PTPRN2: variants seen among roughly 807,000 people sequenced by gnomAD.
PTPRN2 encodes the protein protein tyrosine phosphatase receptor type N2.
Under a neutral mutation model 118.8 loss-of-function variants are expected in PTPRN2, and 74 were observed. The observed-to-expected ratio is 0.62, with a 90% CI of 0.52 to 0.76. PTPRN2 has a LOEUF of 0.76. PTPRN2 is among the 30% of genes least tolerant of loss of function. The pLI, the probability that PTPRN2 is intolerant of heterozygous loss-of-function variation, is 0.00. For missense variants in PTPRN2, 1,481 were observed against 1,394.4 expected (o/e 1.06, Z -0.99); for synonymous variants, 641 against 608.0 (o/e 1.05, Z -0.80).
chr7:158,276,660 A>G (rs1341961119), intron 3 of PTPRN2, among the ~76,000 whole-genome samples: 1 of 152,162 alleles, frequency 6.6e-6, no homozygotes, highest in Non-Finnish European at 1.5e-5. Context: ...GGATGAAACC[A>G]TGCTTCCAGC....
intron 11 of PTPRN2, among the ~76,000 whole-genome samples, chr7:158,037,027 C>T (rs1220283773): frequency 6.6e-6 from 1 of 152,152 alleles, no homozygotes; most frequent in East Asian, 1.9e-4. Context: ...ATATAAGATT[C>T]CTTCAAAGAT....
chr7:158,243,571 C>G (rs540007467), intron 3 of PTPRN2, among the ~76,000 whole-genome samples: 1 of 152,326 alleles, frequency 6.6e-6, no homozygotes, highest in African/African-American at 2.4e-5. Flanking sequence ...CAGATACCAC[C>G]TTCAGAGTTG....
intron 14 of PTPRN2, among the ~76,000 whole-genome samples, chr7:157,645,482 G>A (rs1159571089): frequency 3.3e-5 from 5 of 152,168 alleles, no homozygotes; most frequent in South Asian, 2.1e-4. Flanking sequence ...ATAAGCATCC[G>A]CGATGACTCA....
intron 2 of PTPRN2, among the ~76,000 whole-genome samples, chr7:158,377,872 C>G (rs951297295): frequency 6.6e-6 from 1 of 152,230 alleles, no homozygotes; most frequent in African/African-American, 2.4e-5. Context: ...ACAGTCCACA[C>G]AGCACAGGGC....
chr7:157,712,938 C>T (rs1798721929), intron 12 of PTPRN2, among the ~76,000 whole-genome samples: 1 of 152,022 alleles, frequency 6.6e-6, no homozygotes, highest in Non-Finnish European at 1.5e-5. Context: ...AGACTTCTGG[C>T]TCCCAGCACT....
chr7:158,528,233 A>G (rs79850828), intron 1 of PTPRN2, among the ~76,000 whole-genome samples: 2 of 152,116 alleles, frequency 1.3e-5, no homozygotes, highest in Non-Finnish European at 2.9e-5. Flanking sequence ...GCACTCATAC[A>G]GTGTGGTGGG....
intron 1 of PTPRN2, among the ~76,000 whole-genome samples, chr7:158,528,228 C>G (rs930155484): frequency 6.6e-6 from 1 of 152,188 alleles, no homozygotes; most frequent in Non-Finnish European, 1.5e-5. Context: ...AAGGTGCACT[C>G]ATACAGTGTG....
At chr7:158,343,416 T>C (rs1444010139) in intron 2 of PTPRN2, among the ~76,000 whole-genome samples, 2 of 152,062 alleles carry the variant, frequency 1.3e-5, no homozygotes, top group African/African-American at 2.4e-5. Flanking sequence ...AAATAACGCG[T>C]GTGGGTGAGA....
chr7:157,773,768 G>A (rs1251581121), intron 12 of PTPRN2, among the ~76,000 whole-genome samples: 1 of 152,240 alleles, frequency 6.6e-6, no homozygotes, highest in Non-Finnish European at 1.5e-5. Context: ...GGTCCTGGTT[G>A]GTGGGGCTTG....
intron 10 of PTPRN2, among the ~76,000 whole-genome samples, chr7:158,107,184 GA>G (rs1395029795): frequency 6.6e-6 from 1 of 151,938 alleles, no homozygotes; most frequent in Non-Finnish European, 1.5e-5. Flanking sequence ...CAGAAACTGG[GA>G]TCTTGCTGTC....
intron 14 of PTPRN2, among the ~76,000 whole-genome samples, chr7:157,635,840 T>A (rs1268828626): frequency 6.6e-6 from 1 of 151,698 alleles, no homozygotes; most frequent in African/African-American, 2.4e-5. Flanking sequence ...TAGCTTACAG[T>A]CTCTCACCCC....
chr7:157,634,875 T>A (rs1420933339), intron 14 of PTPRN2, among the ~76,000 whole-genome samples: 3 of 152,238 alleles, frequency 2.0e-5, no homozygotes, highest in African/African-American at 7.2e-5. Flanking sequence ...GCAGTGGACG[T>A]GGTCACCTGC....
Position 157,823,918 on chromosome 7 carries a change from T to C in PTPRN2, c.1788+74755A>G, listed in dbSNP as rs376715087. On this transcript the variant is annotated intron_variant, in intron 12 of 22. Transcript: ENST00000389418. ...AGTGGGGAGGAGGTTGAATCAGTCCTTCGTTCCACAGCTGGGTATGAGACA... is the reference window on the plus strand; with the variant it reads ...AGTGGGGAGGAGGTTGAATCAGTCCCTCGTTCCACAGCTGGGTATGAGACA... 2.3e-3 allele frequency among the ~76,000 whole-genome samples: 350 copies of C among 152,292 alleles called. 4 individuals carry two copies. The South Asian group carries it at 0.027, about 12-fold the overall frequency.
chr7:158,408,889 G>A (rs978995001), intron 2 of PTPRN2, among the ~76,000 whole-genome samples: 1 of 151,474 alleles, frequency 6.6e-6, no homozygotes, highest in African/African-American at 2.4e-5. Flanking sequence ...TATTAACATT[G>A]ACACCAAACA....
At chr7:158,459,035 G>A (rs189328697) in intron 2 of PTPRN2, among the ~76,000 whole-genome samples, 40 of 152,292 alleles carry the variant, frequency 2.6e-4, no homozygotes, top group East Asian at 9.7e-4. Flanking sequence ...ACAGGGTGCC[G>A]CGGCCATCAC....
chr7:157,821,317 T>C (rs1806825354), intron 12 of PTPRN2, among the ~76,000 whole-genome samples: 1 of 152,226 alleles, frequency 6.6e-6, no homozygotes, highest in African/African-American at 2.4e-5. Flanking sequence ...CTCTAGGATC[T>C]GGTCAGAGCT....
chr7:158,321,969 C>T (rs190571402), intron 2 of PTPRN2, among the ~76,000 whole-genome samples: 4 of 152,342 alleles, frequency 2.6e-5, no homozygotes, highest in East Asian at 3.9e-4. Context: ...TGCCTCTGCG[C>T]GGAAGCCTAA....
chr7:157,816,341 C>T (rs1806399332), intron 12 of PTPRN2, among the ~76,000 whole-genome samples: 1 of 152,188 alleles, frequency 6.6e-6, no homozygotes, highest in Non-Finnish European at 1.5e-5. Flanking sequence ...TGATGGGTTC[C>T]ACCCTAAACT....
chr7:158,147,893 T>A (rs199958678), intron 6 of PTPRN2, among the ~76,000 whole-genome samples: 26 of 121,240 alleles, frequency 2.1e-4, no homozygotes, highest in East Asian at 7.0e-4. Flanking sequence ...GCCACGTGTC[T>A]TTCCCCCTCA....
Sources: gnomAD v4.1 joint callset for allele counts (sites outside exome capture counted in the v4.1 genomes callset) on GRCh38, gnomAD v4.1.1 for gene constraint, MANE v1.5 for transcripts, NCBI Gene and HGNC (gene_info 2026-07-23, HGNC 2026-07-21) for gene names.